The following CPEB3 variants were observed in gnomAD, a reference collection of about 807,000 sequenced individuals.
The protein encoded by CPEB3 is cytoplasmic polyadenylation element-binding protein 3.
In CPEB3, 20 loss-of-function variants were observed where a neutral mutation model predicts 67.2. That is an observed-to-expected ratio of 0.30 (90% CI 0.21 to 0.43). The LOEUF is 0.43. Ranked by LOEUF, CPEB3 falls within the 20% of genes least tolerant of loss-of-function variation. The pLI is 1.00. For missense variants in CPEB3, 746 were observed against 968.6 expected, an observed-to-expected ratio of 0.77 and a Z score of 3.05; for synonymous variants, 376 against 393.1, an observed-to-expected ratio of 0.96 and a Z score of 0.51.
chr10:92,106,344 C>T (rs552425400), intron 7 of CPEB3, among the ~76,000 whole-genome samples: 35 of 151,548 alleles, frequency 2.3e-4, no homozygotes, highest in South Asian at 6.3e-4. Flanking sequence ...GCCTTGACCA[C>T]GGCAGGTACT....
rs895548552 is a variant in CPEB3, at chr10:92,242,277, AAT to A, written c.-11-1918_-11-1917del. Among the ~76,000 whole-genome samples the A allele has an allele frequency of 1.1e-4, 16 of 152,298 alleles. No individual in the cohort carries two copies. In the South Asian group the frequency reaches 2.3e-3, roughly 22 times the overall value. ...CCCCCCAGGGAAAAAAACCCAACTC[AAT>A]ATAATATACAACACAGATTGCCGGC... On this transcript the variant is annotated intron_variant, in intron 1 of 9. Coordinates refer to ENST00000265997, the MANE Select transcript of CPEB3 (RefSeq NM_014912.5).
intron 2 of CPEB3, among the ~76,000 whole-genome samples, chr10:92,234,570 A>G (rs1025676458): frequency 6.6e-6 from 1 of 152,208 alleles, no homozygotes; most frequent in African/African-American, 2.4e-5. Context: ...AACTTTGCCA[A>G]TTACTGGCTG....
At chr10:92,106,486 C>T (rs1433159511) in intron 7 of CPEB3, among the ~76,000 whole-genome samples, 1 of 152,002 alleles carries the variant, frequency 6.6e-6, no homozygotes. Context: ...AAAGAGATGG[C>T]ATTTGTAAGG....
In CPEB3 at chr10:92,096,310, G is replaced by A. The variant is rs575381482; in HGVS notation, c.1573-4366C>T. Among the ~76,000 whole-genome samples the A allele has an allele frequency of 5.9e-5, 9 of 152,176 alleles. No individual in the cohort carries two copies. In the South Asian group the frequency reaches 1.9e-3, roughly 32 times the overall value. On this transcript the variant is annotated intron_variant, in intron 7 of 9. Coordinates refer to ENST00000265997, the MANE Select transcript of CPEB3 (RefSeq NM_014912.5). Reference sequence around the variant, plus strand: ...TAGAGACAATTCAAAGTATATGGGAGGATGCACATAGGTTACGTCATTTTA... The same window carrying A: ...TAGAGACAATTCAAAGTATATGGGAAGATGCACATAGGTTACGTCATTTTA...
At chr10:92,250,021 CAT>C (rs139850091) in intron 1 of CPEB3, among the ~76,000 whole-genome samples, 52 of 146,142 alleles carry the variant, frequency 3.6e-4, no homozygotes, top group East Asian at 6.0e-4. Context: ...GACTCCATCT[CAT>C]ATATATATAT....
chr10:92,172,948 A>G (rs1167574669), intron 4 of CPEB3, among the ~76,000 whole-genome samples: 1 of 152,222 alleles, frequency 6.6e-6, no homozygotes, highest in Non-Finnish European at 1.5e-5. Flanking sequence ...TTTTAGGAAG[A>G]AATTAAGGTG....
intron 1 of CPEB3, among the ~76,000 whole-genome samples, chr10:92,271,775 T>C (rs895326920): frequency 1.3e-5 from 2 of 152,178 alleles, no homozygotes; most frequent in Non-Finnish European, 2.9e-5. Context: ...TAAATATCTT[T>C]AGGGAGACAC....
chr10:92,230,287 G>T (rs1461192622), intron 2 of CPEB3, among the ~76,000 whole-genome samples: 1 of 152,148 alleles, frequency 6.6e-6, no homozygotes. Flanking sequence ...ACCTTGAAAT[G>T]AGTTTGAATG....
chr10:92,128,695 AACAG>A (rs1161803321), intron 6 of CPEB3, among the ~76,000 whole-genome samples: 1 of 152,234 alleles, frequency 6.6e-6, no homozygotes, highest in Admixed American at 6.5e-5. Flanking sequence ...AAAGGACATG[AACAG>A]ACACTTTTCA....
chr10:92,082,526 A>G (rs1253319381), intron 8 of CPEB3, among the ~76,000 whole-genome samples: 5 of 152,014 alleles, frequency 3.3e-5, no homozygotes, highest in Non-Finnish European at 7.4e-5. Context: ...GTGATCCTCC[A>G]GCCTTGGCCT....
At chr10:92,264,197 G>A (rs2134926357) in intron 1 of CPEB3, among the ~76,000 whole-genome samples, 2 of 152,126 alleles carry the variant, frequency 1.3e-5, no homozygotes, top group Middle Eastern at 6.8e-3. Context: ...GCATGGTGGT[G>A]CATGCCTGCA....
chr10:92,095,767 A>G (rs1649887501), intron 7 of CPEB3, among the ~76,000 whole-genome samples: 1 of 151,810 alleles, frequency 6.6e-6, no homozygotes, highest in Admixed American at 6.6e-5. Flanking sequence ...TTGAGAATAG[A>G]TGAAATTAGA....
At chr10:92,265,425 TC>T (rs1220501220) in intron 1 of CPEB3, among the ~76,000 whole-genome samples, 1 of 152,046 alleles carries the variant, frequency 6.6e-6, no homozygotes, top group Admixed American at 6.6e-5. Context: ...GACAGAGACT[TC>T]AATTAGTCTT....
intron 1 of CPEB3, among the ~76,000 whole-genome samples, chr10:92,284,088 G>A (rs1842428397): frequency 6.7e-6 from 1 of 148,330 alleles, no homozygotes; most frequent in Non-Finnish European, 1.5e-5. Context: ...CACCAGGCTG[G>A]AGTGCAGTGG....
chr10:92,206,280 T>A (rs1470665324), intron 2 of CPEB3, among the ~76,000 whole-genome samples: 1 of 151,618 alleles, frequency 6.6e-6, no homozygotes, highest in African/African-American at 2.4e-5. Context: ...GGCATGTTGG[T>A]CAGGCTGGTC....
At chr10:92,175,928 A>G (rs1177012123) in intron 4 of CPEB3, among the ~76,000 whole-genome samples, 2 of 152,128 alleles carry the variant, frequency 1.3e-5, no homozygotes, top group Non-Finnish European at 2.9e-5. Flanking sequence ...CATCTCTACT[A>G]AAAATACAAA....
chr10:92,142,865 C>T (rs1224158387), intron 6 of CPEB3, among the ~76,000 whole-genome samples, 164 bp downstream of exon 6: 1 of 152,138 alleles, frequency 6.6e-6, no homozygotes, highest in African/African-American at 2.4e-5. Flanking sequence ...GGAAGAGTCT[C>T]TAAGTGGAAA....
chr10:92,089,982 G>A (rs1323072344), intron 8 of CPEB3, among the ~76,000 whole-genome samples: 1 of 152,130 alleles, frequency 6.6e-6, no homozygotes, highest in African/African-American at 2.4e-5. Context: ...TGATCATACA[G>A]CAACCTTTTG....
At chr10:92,119,759 C>G (rs1237624241) in intron 6 of CPEB3, among the ~76,000 whole-genome samples, 2 of 152,098 alleles carry the variant, frequency 1.3e-5, no homozygotes, top group East Asian at 3.9e-4. Context: ...GCTATTGACA[C>G]AAGAGGAAGA....
Sources: allele counts gnomAD v4.1 joint callset (sites outside exome capture counted in the v4.1 genomes callset), GRCh38; gene constraint gnomAD v4.1.1; transcripts MANE v1.5; gene names NCBI Gene and HGNC (gene_info 2026-07-23, HGNC 2026-07-21).